The following RBM23 variants were observed in gnomAD, a reference collection of about 807,000 sequenced individuals.
The protein encoded by RBM23 is RNA binding motif protein 23.
In RBM23, 53 loss-of-function variants were observed where a neutral mutation model predicts 56.2. The observed-to-expected ratio is 0.94, with a 90% confidence interval of 0.76 to 1.19. RBM23 has a LOEUF of 1.19. Among genes scored for constraint, RBM23 ranks in the 50% most tolerant of loss-of-function variants. The probability of loss-of-function intolerance (pLI) is 0.00; values close to 1 mark genes in which losing one functional copy is unlikely to be tolerated. For synonymous variants in RBM23, 197 were observed against 198.5 expected (o/e 0.99, Z 0.06); for missense variants, 642 against 590.3 (o/e 1.09, Z -0.91).
chr14:22,904,557 G>C (rs1370027841), intron 9 of RBM23, among the ~76,000 whole-genome samples: 1 of 148,812 alleles, frequency 6.7e-6, no homozygotes, highest in African/African-American at 2.5e-5. Context: ...CTACAGCCTT[G>C]ACCTCCCAGG....
rs547062256 is a variant in RBM23, at chr14:22,894,221, T to C, written c.*7509A>G. 1.3e-5 allele frequency: 2 copies of C among 152,324 alleles called. No individual in the cohort carries two copies. Among genetic ancestry groups the C allele is most frequent in the East Asian group, 3.9e-4 (2 of 5,188 alleles). 9.4% of individuals were successfully genotyped at this position (152,324 alleles called of 1,614,324 possible). A position where few individuals can be genotyped will look rare whatever the true frequency, so the allele number is the denominator to read the frequency against. On this transcript the variant is annotated 3_prime_UTR_variant, in exon 14 of 14. Coordinates refer to ENST00000359890, the MANE Select transcript of RBM23 (RefSeq NM_001077351.2). ...CTCAAAGCACAGCACCATTTGGAGATAAAAATTTAAGTTATGGTCTACAAA... is the reference window on the plus strand; with the variant it reads ...CTCAAAGCACAGCACCATTTGGAGACAAAAATTTAAGTTATGGTCTACAAA...
At chr14:22,902,876 G>A (rs1594227917) in intron 10 of RBM23, 1 of 806,526 alleles carries the variant, frequency 1.2e-6, no homozygotes, top group Non-Finnish European at 1.5e-6. Context: ...CTGGGTTCAA[G>A]CAATTCTCCT....
rs2040259962 is a variant in RBM23 at position 22,897,080 on chromosome 14, A to G, written c.*4650T>C. 1 of 152,140 alleles carries G rather than the reference A, an allele frequency of 6.6e-6. No individual in the cohort carries two copies. Among genetic ancestry groups the G allele is most frequent in the Non-Finnish European group, 1.5e-5 (1 of 68,034 alleles). The allele number at this position is 152,140 out of a possible 1,614,324, so 9.4% of individuals were successfully genotyped here. The stretch of plus-strand genomic sequence containing the variant: ...CATCTTCTCTCCTGGTGGAGTGAGG[A>G]AGGAATGGATGAGGCTGCTGGGAAA... On this transcript the variant is annotated 3_prime_UTR_variant, in exon 14 of 14. Transcript: ENST00000359890.
intron 4 of RBM23, 143 bp downstream of exon 4, chr14:22,908,190 T>C (rs2041889403): frequency 1.2e-6 from 1 of 868,802 alleles, no homozygotes; most frequent in Non-Finnish European, 1.7e-6. Context: ...CTGGGTAATT[T>C]TTAAATTTTT....
chr14:22,908,636 C>T (rs1055478227), intron 3 of RBM23: 2 of 357,552 alleles, frequency 5.6e-6, no homozygotes, highest in African/African-American at 2.1e-5. Flanking sequence ...TCAAGTGATC[C>T]ACCTGCCTCA....
rs1195846318 is a variant in RBM23 at position 22,894,689 on chromosome 14, C to G, written c.*7041G>C. 6.6e-6 allele frequency: 1 copy of G among 151,870 alleles called. No individual in the cohort carries two copies. The highest frequency in any genetic ancestry group is 1.5e-5 in the Non-Finnish European group (1 of 68,040). 9.4% of individuals were successfully genotyped at this position (151,870 alleles called of 1,614,324 possible). A position where few individuals can be genotyped will look rare whatever the true frequency, so the allele number is the denominator to read the frequency against. On this transcript the variant is annotated 3_prime_UTR_variant, in exon 14 of 14. Transcript: ENST00000359890. The stretch of plus-strand genomic sequence containing the variant: ...AGCAGAGATCGCAGTGAGCAGAGAT[C>G]ATGCCACTGCACTCCAGCCTGGGTG...
At chr14:22,915,067 T>G (rs903856092) in intron 1 of RBM23, among the ~76,000 whole-genome samples, 1 of 151,636 alleles carries the variant, frequency 6.6e-6, no homozygotes, top group African/African-American at 2.4e-5. Context: ...TTGGTTGCCC[T>G]AAGAGTCCAT....
chr14:22,909,958 G>C (rs535013279), intron 2 of RBM23, among the ~76,000 whole-genome samples: 1 of 151,680 alleles, frequency 6.6e-6, no homozygotes, highest in South Asian at 2.1e-4. Flanking sequence ...TTTGAGACCA[G>C]CCTCGCCGAC....
At chr14:22,916,130 C>G (rs189856719) in intron 1 of RBM23, among the ~76,000 whole-genome samples, 1 of 152,140 alleles carries the variant, frequency 6.6e-6, no homozygotes, top group African/African-American at 2.4e-5. Flanking sequence ...ATGGAAGGAT[C>G]GCTTGAACCC....
At position 22,902,251 on chromosome 14, in the gene RBM23, C is replaced by G; in HGVS notation, c.1062G>C (p.Gly354=). ...DGGTDITFPD[G]DQELDLGSAG... is the part of the protein sequence containing the mutation. ...CTGATCCCAGATCCAGCTCCTGGTCCCCATCAGGAAAAGTGATGTCTGTGC... is the reference window on the plus strand; with the variant it reads ...CTGATCCCAGATCCAGCTCCTGGTCGCCATCAGGAAAAGTGATGTCTGTGC... Residue 354 remains glycine, a synonymous_variant, in exon 11 of 14, where the codon GGG becomes GGC. Coordinates refer to ENST00000359890, the MANE Select transcript of RBM23 (RefSeq NM_001077351.2). 6.2e-7 allele frequency: 1 copy of G among 1,614,184 alleles called. No individual in the cohort carries two copies. Among genetic ancestry groups the G allele is most frequent in the Non-Finnish European group, 8.5e-7 (1 of 1,180,040 alleles).
At chr14:22,911,019 A>G (rs561828702) in intron 2 of RBM23, among the ~76,000 whole-genome samples, 1 of 152,174 alleles carries the variant, frequency 6.6e-6, no homozygotes, top group Non-Finnish European at 1.5e-5. Context: ...CAAAAGAAAA[A>G]AAAAAGAAAT....
chr14:22,904,164 G>A (rs768653641), intron 10 of RBM23, 97 bp downstream of exon 10: 2 of 1,600,884 alleles, frequency 1.2e-6, no homozygotes, highest in East Asian at 2.3e-5. Flanking sequence ...GGGTCATTTA[G>A]ACAGTTCCTA....
At chr14:22,918,155 G>A (rs1305629025) in intron 1 of RBM23, among the ~76,000 whole-genome samples, 3 of 152,212 alleles carry the variant, frequency 2.0e-5, no homozygotes, top group East Asian at 1.9e-4. Flanking sequence ...AGCACTTTGG[G>A]AGGCCGAGGC....
In RBM23 at chr14:22,905,259, C is replaced by CAA; in HGVS notation, c.574-15_574-14dup. 6.2e-7 allele frequency: 1 copy of CAA among 1,613,874 alleles called. No individual in the cohort carries two copies. The highest frequency in any genetic ancestry group is 8.5e-7 in the Non-Finnish European group (1 of 1,179,906). ...GTACATCGCGAACCTATCCAGGACG[C>CAA]AAAAGAAATCCTGAGTTAGGCATAA... is the stretch of plus-strand genomic sequence containing the variant. On this transcript the variant is annotated splice_polypyrimidine_tract_variant and intron_variant, in intron 7 of 13. Transcript: ENST00000359890.
In RBM23 at chr14:22,911,390, C is replaced by T. The variant is rs1419664481; in HGVS notation, c.4G>A (p.Ala2Thr). The change falls in exon 2 of 14, where the codon GCA becomes ACA. Residue 2 changes from alanine (A) to threonine (T), a missense_variant. By Grantham distance (58) the Ala-to-Thr change is moderately conservative. Transcript: ENST00000359890. ...ATCACTATGTCAAAGTCATCAGATGCCATCCTGTCAGATCTGGGGAGAGGA... is the reference window on the plus strand; with the variant it reads ...ATCACTATGTCAAAGTCATCAGATGTCATCCTGTCAGATCTGGGGAGAGGA... M[A>T]SDDFDIVIEA... 6.2e-7 allele frequency: 1 copy of T among 1,613,036 alleles called. No homozygotes were observed. Among genetic ancestry groups the T allele is most frequent in the Admixed American group, 1.7e-5 (1 of 59,994 alleles).
intron 10 of RBM23, 94 bp downstream of exon 10, chr14:22,904,167 A>G (rs772906267): frequency 3.7e-6 from 6 of 1,603,556 alleles, no homozygotes; most frequent in Non-Finnish European, 2.6e-6. Context: ...TCATTTAGAC[A>G]GTTCCTAAAG....
At chr14:22,911,063 T>C (rs900200818) in intron 2 of RBM23, among the ~76,000 whole-genome samples, 1 of 152,188 alleles carries the variant, frequency 6.6e-6, no homozygotes, top group African/African-American at 2.4e-5. Context: ...GACTTTCTAC[T>C]GTGTCACTTC....
At chr14:22,904,223 C>A in intron 10 of RBM23, 38 bp downstream of exon 10, 1 of 1,613,720 alleles carries the variant, frequency 6.2e-7, no homozygotes, top group Non-Finnish European at 8.5e-7. Context: ...TGGACAAACC[C>A]AAAGTAAAAT....
At position 22,901,451 on chromosome 14, in the gene RBM23, G is replaced by A; in HGVS notation, c.*279C>T. ...CTAAGGTGTTGGAAAGGGCAAGAAG[G>A]TAATCTCAGAGACGATACACATGGA... On this transcript the variant is annotated 3_prime_UTR_variant, in exon 14 of 14. Coordinates refer to ENST00000359890, the MANE Select transcript of RBM23 (RefSeq NM_001077351.2). 2 of 570,246 alleles carry A rather than the reference G, an allele frequency of 3.5e-6. No homozygotes were observed. Among genetic ancestry groups the A allele is most frequent in the Non-Finnish European group, 6.3e-6 (2 of 319,746 alleles). The allele number at this position is 570,246 out of a possible 1,614,324, so 35.3% of individuals were successfully genotyped here.
Sources: allele counts gnomAD v4.1 joint callset (sites outside exome capture counted in the v4.1 genomes callset), GRCh38; gene constraint gnomAD v4.1.1; transcripts MANE v1.5; gene names NCBI Gene and HGNC (gene_info 2026-07-23, HGNC 2026-07-21).